The following UGT2B4 variants were observed in gnomAD, a reference collection of about 807,000 sequenced individuals.
UGT2B4 encodes the protein UDP-glucuronosyltransferase 2B4.
A neutral mutation model predicts 49.8 loss-of-function variants in UGT2B4; 49 were observed. That is an observed-to-expected ratio of 0.98 (90% CI 0.78 to 1.25). UGT2B4 has a LOEUF of 1.25. Ranked by LOEUF, UGT2B4 falls within the 50% of genes most tolerant of loss-of-function variation. The probability of loss-of-function intolerance (pLI) is 0.00; values close to 1 mark genes in which losing one functional copy is unlikely to be tolerated. For missense variants in UGT2B4, 729 were observed against 627.7 expected, an observed-to-expected ratio of 1.16 and a Z score of -1.73; for synonymous variants, 246 against 217.7, an observed-to-expected ratio of 1.13 and a Z score of -1.14.
At chr4:69,525,484 C>T (rs1383525921) in intron 1 of UGT2B4, among the ~76,000 whole-genome samples, 1 of 151,906 alleles carries the variant, frequency 6.6e-6, no homozygotes, top group Non-Finnish European at 1.5e-5. Context: ...AAATATGAAC[C>T]ATTTGAAATT....
intron 1 of UGT2B4, among the ~76,000 whole-genome samples, chr4:69,510,072 A>G (rs1416636442): frequency 6.6e-6 from 1 of 152,054 alleles, no homozygotes; most frequent in Non-Finnish European, 1.5e-5. Flanking sequence ...TCTTTTGTGG[A>G]TATCCAGTGT....
upstream of UGT2B4, among the ~76,000 whole-genome samples, chr4:69,500,320 T>G (rs1038743735): frequency 1.3e-5 from 2 of 152,058 alleles, no homozygotes; most frequent in African/African-American, 2.4e-5. Flanking sequence ...GGTTGATAGC[T>G]GCAGCAAACC....
rs1727679861 is a variant in UGT2B4, at chr4:69,483,691, T to C, written c.1310+1517A>G. ...TCCTTTAGGTGAAGCCCCTTTTACA[T>C]AAAAACATTATTAATAGTAGTTATG... is the stretch of plus-strand genomic sequence containing the variant. On this transcript the variant is annotated intron_variant, in intron 5 of 5. Transcript: ENST00000305107. Among the ~76,000 whole-genome samples the C allele has an allele frequency of 5.9e-5, 9 of 152,256 alleles. No homozygotes were observed. The South Asian group carries it at 1.9e-3, about 32-fold the overall frequency.
rs546692459 is a variant in UGT2B4 at position 69,517,467 on chromosome 4, T to C, written c.-106+8220A>G. ...AAGAAAGAATCAAATAAAATCTCTG[T>C]TTTAATGCTGAATATTTCAGTTTAT... On this transcript the variant is annotated intron_variant, in intron 1 of 1. Transcript: ENST00000510114. 2.0e-5 allele frequency among the ~76,000 whole-genome samples: 3 copies of C among 152,306 alleles called. No homozygotes were observed. In the East Asian group the frequency reaches 5.8e-4, roughly 29 times the overall value.
chr4:69,512,767 T>A (rs1387167795), intron 1 of UGT2B4, among the ~76,000 whole-genome samples: 2 of 152,210 alleles, frequency 1.3e-5, no homozygotes, highest in Non-Finnish European at 2.9e-5. Context: ...GACTTTTGTA[T>A]AATAGCCATT....
At chr4:69,518,782 CT>C (rs1365846882) in intron 1 of UGT2B4, among the ~76,000 whole-genome samples, 10 of 152,140 alleles carry the variant, frequency 6.6e-5, no homozygotes, top group Non-Finnish European at 1.3e-4. Context: ...TTTCACATTA[CT>C]TGCTCACTTT....
At chr4:69,518,844 C>T (rs1161074194) in intron 1 of UGT2B4, among the ~76,000 whole-genome samples, 1 of 152,030 alleles carries the variant, frequency 6.6e-6, no homozygotes, top group African/African-American at 2.4e-5. Context: ...CTATAAGAAC[C>T]ATTTTGATAA....
intron 1 of UGT2B4, among the ~76,000 whole-genome samples, chr4:69,505,314 G>A (rs1728439832): frequency 6.6e-6 from 1 of 152,074 alleles, no homozygotes; most frequent in South Asian, 2.1e-4. Flanking sequence ...TTGGTATGCT[G>A]TATTTAAGAA....
intron 1 of UGT2B4, among the ~76,000 whole-genome samples, chr4:69,513,231 TC>T (rs1179823683): frequency 1.3e-5 from 2 of 152,344 alleles, no homozygotes; most frequent in East Asian, 3.9e-4. Context: ...TACATTTAAA[TC>T]TTTAATCCAT....
chr4:69,493,744 AT>A lies in UGT2B4; in HGVS notation c.818del (p.Asn273MetfsTer51). ...DFQFPHPLLP[N>X]VEFVGGLHCK... ...AGTGGAGTCCTCCAACGAACTCAAC[AT>A]TTGGTAAGAGTGGGTGAGGAAATTG... On this transcript the variant is annotated frameshift_variant, in exon 2 of 6. Transcript: ENST00000305107. LOFTEE classifies it high-confidence loss of function. 6.2e-7 allele frequency: 1 copy of A among 1,612,048 alleles called. No homozygotes were observed.
At chr4:69,497,852 T>C (rs1161752550), upstream of UGT2B4, among the ~76,000 whole-genome samples, 2 of 152,232 alleles carry the variant, frequency 1.3e-5, no homozygotes, top group Non-Finnish European at 2.9e-5. Context: ...CAAAAATGTA[T>C]GCTAAACAGA....
upstream of UGT2B4, among the ~76,000 whole-genome samples, chr4:69,497,586 G>A (rs1334393320): frequency 6.6e-6 from 1 of 152,148 alleles, no homozygotes; most frequent in Admixed American, 6.5e-5. Flanking sequence ...AATTAGAAGT[G>A]GAACTTGAAG....
At chr4:69,485,083 A>G in intron 5 of UGT2B4, 125 bp downstream of exon 5, 1 of 1,193,782 alleles carries the variant, frequency 8.4e-7, no homozygotes, top group Non-Finnish European at 1.2e-6. Flanking sequence ...AGCAGATTTC[A>G]GATTGTTTAA....
upstream of UGT2B4, among the ~76,000 whole-genome samples, chr4:69,500,289 G>T (rs557403298): frequency 6.6e-6 from 1 of 151,904 alleles, no homozygotes; most frequent in Non-Finnish European, 1.5e-5. Context: ...AATGCATTCC[G>T]GGCTTAATAC....
chr4:69,507,526 T>C (rs1728504382), intron 1 of UGT2B4, among the ~76,000 whole-genome samples: 1 of 151,992 alleles, frequency 6.6e-6, no homozygotes, highest in Non-Finnish European at 1.5e-5. Flanking sequence ...ATCTCCAAAA[T>C]AACCAACCAA....
upstream of UGT2B4, among the ~76,000 whole-genome samples, chr4:69,500,395 G>A (rs796402973): frequency 6.7e-6 from 1 of 148,218 alleles, no homozygotes; most frequent in Admixed American, 6.8e-5. Context: ...TGAAACTTAA[G>A]ACAAAACAAA....
chr4:69,497,018 T>A (rs1728186513), upstream of UGT2B4, among the ~76,000 whole-genome samples: 1 of 152,180 alleles, frequency 6.6e-6, no homozygotes, highest in Non-Finnish European at 1.5e-5. Context: ...GCTTGCTCTC[T>A]GACTCACTTC....
At chr4:69,497,810 AG>A (rs1270498294), upstream of UGT2B4, among the ~76,000 whole-genome samples, 2 of 152,230 alleles carry the variant, frequency 1.3e-5, no homozygotes, top group African/African-American at 4.8e-5. Flanking sequence ...CAGTTTTGAA[AG>A]AAGTACCACT....
chr4:69,502,075 C>CT (rs1348479517), intron 1 of UGT2B4, among the ~76,000 whole-genome samples: 20 of 78,382 alleles, frequency 2.6e-4, no homozygotes, highest in African/African-American at 9.9e-4. Flanking sequence ...TCCTTCTTTT[C>CT]TTTCTTTCTT....
Sources: allele counts gnomAD v4.1 joint callset (sites outside exome capture counted in the v4.1 genomes callset), GRCh38; gene constraint gnomAD v4.1.1; transcripts MANE v1.5; gene names NCBI Gene and HGNC (gene_info 2026-07-23, HGNC 2026-07-21).